Variants in FBP1 observed in about 807,000 individuals in gnomAD.
FBP1 encodes the protein fructose-bisphosphatase 1.
FBP1 carries 22 observed loss-of-function variants against 29.9 expected under a neutral mutation model. The observed-to-expected ratio is 0.74, with a 90% confidence interval of 0.53 to 1.05. FBP1 has a LOEUF of 1.05. Ranked by LOEUF, FBP1 falls within the 50% of genes least tolerant of loss-of-function variation. FBP1 has a pLI of 0.00. For missense variants in FBP1, 345 were observed against 448.2 expected (o/e 0.77, Z 2.08); for synonymous variants, 175 against 178.6 (o/e 0.98, Z 0.16).
chr9:94,610,049 C>T lies in FBP1; in HGVS notation c.439G>A (p.Glu147Lys), dbSNP rs958600477. Residue 147 changes from glutamate to lysine, a missense_variant, in exon 4 of 7, where the codon GAG (glutamate) becomes AAG (lysine). By Grantham distance (56) the Glu-to-Lys change is moderately conservative. Coordinates refer to ENST00000375326, the MANE Select transcript of FBP1 (RefSeq NM_000507.4). ...FGIYRKKSTD[E>K]PSEKDALQPG... ...TGCAGAGCATCCTTCTCAGAAGGCT[C>T]ATCAGTTGATTTCTAGAGCAAGAAA... is the stretch of plus-strand genomic sequence containing the variant. 3 of 1,614,012 alleles carry T rather than the reference C, an allele frequency of 1.9e-6. No individual in the cohort carries two copies. Among genetic ancestry groups the T allele is most frequent in the African/African-American group, 2.7e-5 (2 of 74,928 alleles).
At chr9:94,611,996 G>A (rs1185578729) in intron 3 of FBP1, among the ~76,000 whole-genome samples, 2 of 152,178 alleles carry the variant, frequency 1.3e-5, no homozygotes, top group Non-Finnish European at 2.9e-5. Context: ...TTTCACCTGG[G>A]GAGGTGGTTA....
intron 1 of FBP1, among the ~76,000 whole-genome samples, chr9:94,629,510 T>A (rs923638808): frequency 1.3e-5 from 2 of 151,942 alleles, no homozygotes; most frequent in African/African-American, 4.8e-5. Context: ...GACGGATAAT[T>A]AAAGCAACAA....
chr9:94,634,139 C>CA (rs1189478712), intron 1 of FBP1, among the ~76,000 whole-genome samples: 1 of 150,856 alleles, frequency 6.6e-6, no homozygotes, highest in South Asian at 2.1e-4. Context: ...ACTGAAAATA[C>CA]AAAAAAATTA....
intron 1 of FBP1, among the ~76,000 whole-genome samples, chr9:94,622,483 A>G (rs1827963597): frequency 6.6e-6 from 1 of 151,982 alleles, no homozygotes; most frequent in African/African-American, 2.4e-5. Context: ...CCAAAACATA[A>G]CTCGCTGTGA....
chr9:94,632,255 T>C (rs566828983), intron 1 of FBP1, among the ~76,000 whole-genome samples: 1 of 152,296 alleles, frequency 6.6e-6, no homozygotes, highest in South Asian at 2.1e-4. Context: ...GCAGCCACTC[T>C]TGGGTGCAAC....
At chr9:94,607,890 G>T (rs1827724325) in intron 4 of FBP1, among the ~76,000 whole-genome samples, 1 of 152,138 alleles carries the variant, frequency 6.6e-6, no homozygotes, top group African/African-American at 2.4e-5. Context: ...AGAATTCACA[G>T]TGGCCATTGA....
At chr9:94,628,750 A>G (rs1828061423) in intron 1 of FBP1, among the ~76,000 whole-genome samples, 1 of 152,204 alleles carries the variant, frequency 6.6e-6, no homozygotes, top group African/African-American at 2.4e-5. Context: ...ATTCTAGGAC[A>G]TGCTTTTAAA....
rs190144149 is a variant in FBP1 at position 94,626,827 on chromosome 9, C to T, written c.171-6336G>A. ...CAGCACTTTGGGAAGCTAAGGCAGGCGGATTACCTGAGGTTCAGGATTTCG... is the reference window on the plus strand; with the variant it reads ...CAGCACTTTGGGAAGCTAAGGCAGGTGGATTACCTGAGGTTCAGGATTTCG... On this transcript the variant is annotated intron_variant, in intron 1 of 6. Coordinates refer to ENST00000375326, the MANE Select transcript of FBP1 (RefSeq NM_000507.4). 3.6e-3 allele frequency among the ~76,000 whole-genome samples: 547 copies of T among 152,172 alleles called. 2 individuals are homozygous for T. Among genetic ancestry groups the T allele is most frequent in the Non-Finnish European group, 5.6e-3 (380 of 68,006 alleles).
chr9:94,605,416 T>A (rs1827681566), intron 6 of FBP1, 41 bp downstream of exon 6: 1 of 1,607,682 alleles, frequency 6.2e-7, no homozygotes, highest in Non-Finnish European at 8.5e-7. Context: ...GGGCTGCAAG[T>A]GAAATCTGCT....
At chr9:94,608,239 G>T (rs936122163) in intron 4 of FBP1, among the ~76,000 whole-genome samples, 1 of 152,156 alleles carries the variant, frequency 6.6e-6, no homozygotes, top group Non-Finnish European at 1.5e-5. Flanking sequence ...TGCAGCAAGC[G>T]CAAACAAAGA....
chr9:94,635,107 A>C (rs1275600948), intron 1 of FBP1, among the ~76,000 whole-genome samples: 3 of 150,480 alleles, frequency 2.0e-5, no homozygotes, highest in Admixed American at 1.3e-4. Flanking sequence ...AAAAAAAAAA[A>C]AAACCAGTTA....
chr9:94,606,679 T>C, intron 5 of FBP1, 136 bp downstream of exon 5: 1 of 819,162 alleles, frequency 1.2e-6, no homozygotes, highest in Non-Finnish European at 2.0e-6. Flanking sequence ...TCCACACTGC[T>C]CAGGAGCCCC....
At chr9:94,609,874 G>T in intron 4 of FBP1, 47 bp downstream of exon 4, 1 of 1,606,320 alleles carries the variant, frequency 6.2e-7, no homozygotes, top group Non-Finnish European at 8.5e-7. Context: ...TCATTCATTT[G>T]CTCACAGACA....
chr9:94,637,716 C>A (rs1004023904), intron 1 of FBP1, among the ~76,000 whole-genome samples: 1 of 152,062 alleles, frequency 6.6e-6, no homozygotes, highest in African/African-American at 2.4e-5. Flanking sequence ...TTATAGTGTG[C>A]ATAAGTGCGG....
At chr9:94,605,603 G>A (rs781083460) in intron 5 of FBP1, 27 bp from the exon 6 acceptor site, 21 of 1,611,286 alleles carry the variant, frequency 1.3e-5, no homozygotes, top group African/African-American at 1.1e-4. Context: ...GCAAGAATTA[G>A]GATTGCAGAA....
intron 1 of FBP1, among the ~76,000 whole-genome samples, chr9:94,627,044 T>A (rs959673609): frequency 1.3e-5 from 2 of 151,962 alleles, no homozygotes; most frequent in African/African-American, 4.8e-5. Context: ...CAAACTTAGC[T>A]GGGTATGGTG....
chr9:94,639,872 C>T (rs1828260426), upstream of FBP1, among the ~76,000 whole-genome samples: 2 of 152,192 alleles, frequency 1.3e-5, no homozygotes, highest in Admixed American at 1.3e-4. Context: ...CTCAATGCCA[C>T]CAGCTAGGCA....
At position 94,639,289 on chromosome 9, in the gene FBP1, C is replaced by G. The variant is rs769817624; in HGVS notation, c.22G>C (p.Asp8His). 2 of 1,607,566 alleles carry G rather than the reference C, an allele frequency of 1.2e-6. No individual in the cohort carries two copies. Among genetic ancestry groups the G allele is most frequent in the South Asian group, 1.1e-5 (1 of 89,786 alleles). The change falls in exon 1 of 7, where the codon GAC (aspartate) becomes CAC (histidine). Residue 8 changes from aspartate to histidine, a missense_variant. By Grantham distance (81) the Asp-to-His change is moderately conservative. Transcript: ENST00000375326. ...CGGGTCAGGGTGTTGACGTCCGTGT[C>G]GAAGGGCGCCTGGTCAGCCATGCTT... MADQAPF[D>H]TDVNTLTRFV...
At chr9:94,604,240 A>C (rs199955765) in intron 6 of FBP1, among the ~76,000 whole-genome samples, 1 of 7,028 alleles carries the variant, frequency 1.4e-4, no homozygotes, top group Non-Finnish European at 3.0e-4. Flanking sequence ...TTGAAAAACC[A>C]AAAAAAAAAA....
Sources: gnomAD v4.1 joint callset for allele counts (sites outside exome capture counted in the v4.1 genomes callset) on GRCh38, gnomAD v4.1.1 for gene constraint, MANE v1.5 for transcripts, NCBI Gene and HGNC (gene_info 2026-07-23, HGNC 2026-07-21) for gene names.